Variants in BMAL2 observed in about 807,000 individuals in gnomAD.
BMAL2 encodes basic helix-loop-helix ARNT-like protein 2.
chr12:27,376,346 A>T, the BMAL2 span: 1 of 1,613,294 alleles, frequency 6.2e-7, no homozygotes, highest in Non-Finnish European at 8.5e-7. Context: ...TTTTTTGTAG[A>T]GTGGAAGATG....
At chr12:27,407,554 A>G in the BMAL2 span, among the ~76,000 whole-genome samples, 1 of 152,212 alleles carries the variant, frequency 6.6e-6, no homozygotes, top group Non-Finnish European at 1.5e-5. Context: ...ACGAGAACAA[A>G]GACACAACAT....
At chr12:27,368,243 T>C in the BMAL2 span, 1 of 1,613,206 alleles carries the variant, frequency 6.2e-7, no homozygotes, top group South Asian at 1.1e-5. Flanking sequence ...AATGTCTTGT[T>C]GTACTCTGCT....
At chr12:27,387,218 T>A in the BMAL2 span, 32 of 1,582,394 alleles carry the variant, frequency 2.0e-5, no homozygotes, top group African/African-American at 6.7e-5. Flanking sequence ...ACTTTTTTTT[T>A]AAATCCTAGA....
At chr12:27,400,363 A>G in the BMAL2 span, among the ~76,000 whole-genome samples, 1 of 152,226 alleles carries the variant, frequency 6.6e-6, no homozygotes, top group Non-Finnish European at 1.5e-5. Flanking sequence ...AAGTCATGAA[A>G]TAAACAAAAT....
the BMAL2 span, among the ~76,000 whole-genome samples, chr12:27,387,691 T>C: frequency 6.6e-6 from 1 of 152,252 alleles, no homozygotes; most frequent in African/African-American, 2.4e-5. Flanking sequence ...TGGTTAATTA[T>C]TAAGTTATAA....
the BMAL2 span, among the ~76,000 whole-genome samples, chr12:27,375,903 A>G: frequency 3.9e-5 from 6 of 152,218 alleles, no homozygotes; most frequent in Non-Finnish European, 7.3e-5. Context: ...TTTAGGCAAA[A>G]TAAATTCCTT....
the BMAL2 span, chr12:27,380,313 T>C: frequency 6.2e-7 from 1 of 1,614,198 alleles, no homozygotes; most frequent in South Asian, 1.1e-5. Context: ...AAGAACTGTC[T>C]GCAATGATCC....
the BMAL2 span, chr12:27,402,816 C>T: frequency 1.4e-6 from 1 of 725,280 alleles, no homozygotes; most frequent in Non-Finnish European, 2.1e-6. Context: ...ATAGGAATCC[C>T]AACTTTGGTT....
At chr12:27,400,511 C>T in the BMAL2 span, 1 of 1,522,892 alleles carries the variant, frequency 6.6e-7, no homozygotes. Context: ...TCCAAATGTC[C>T]TTTTTAAAAA....
the BMAL2 span, chr12:27,394,320 CT>C: frequency 6.6e-6 from 1 of 152,332 alleles, no homozygotes; most frequent in African/African-American, 2.4e-5. Context: ...CCTCCCAACT[CT>C]GGTGGCTTGA....
At chr12:27,352,573 GCAGTCAGAGC>G in the BMAL2 span, among the ~76,000 whole-genome samples, 146,287 of 152,252 alleles carry the variant, frequency 0.96, 70,285 homozygotes, top group East Asian at 1. Context: ...ATAGTCCTGG[GCAGTCAGAGC>G]AGTCCTAGCC....
the BMAL2 span, among the ~76,000 whole-genome samples, chr12:27,411,485 G>T: frequency 6.6e-6 from 1 of 152,140 alleles, no homozygotes; most frequent in Middle Eastern, 3.4e-3. Flanking sequence ...ACGCATAGTG[G>T]GGCACAGCGG....
the BMAL2 span, chr12:27,420,453 C>T: frequency 3.1e-6 from 5 of 1,613,706 alleles, no homozygotes; most frequent in Non-Finnish European, 4.2e-6. Context: ...ACAGCCATGG[C>T]TGCATTTATG....
chr12:27,422,246 G>A, the BMAL2 span: 1 of 152,094 alleles, frequency 6.6e-6, no homozygotes, highest in Non-Finnish European at 1.5e-5. Flanking sequence ...AGATAGGCTG[G>A]GAACTCATGG....
chr12:27,386,775 G>A, the BMAL2 span, among the ~76,000 whole-genome samples: 2 of 152,034 alleles, frequency 1.3e-5, no homozygotes, highest in Non-Finnish European at 2.9e-5. Flanking sequence ...GACTAGAGGC[G>A]TGCACCACCA....
At chr12:27,413,235 C>CT in the BMAL2 span, among the ~76,000 whole-genome samples, 1 of 152,208 alleles carries the variant, frequency 6.6e-6, no homozygotes, top group South Asian at 2.1e-4. Context: ...TCAAAATACT[C>CT]TAATACTGTA....
the BMAL2 span, among the ~76,000 whole-genome samples, chr12:27,362,407 TA>T: frequency 3.9e-5 from 6 of 152,178 alleles, no homozygotes; most frequent in Non-Finnish European, 8.8e-5. Context: ...CGATCACTGG[TA>T]AAATTATTCT....
chr12:27,377,000 C>CAAA, the BMAL2 span, among the ~76,000 whole-genome samples: 127 of 91,630 alleles, frequency 1.4e-3, no homozygotes, highest in African/African-American at 1.8e-3. Flanking sequence ...AACTCCGTCT[C>CAAA]AAAAAAAAAA....
At chr12:27,385,574 T>A in the BMAL2 span, 1 of 1,538,414 alleles carries the variant, frequency 6.5e-7, no homozygotes, top group Non-Finnish European at 9.0e-7. Context: ...ACTAAAGATA[T>A]ATTTGTCTAA....
Sources: gnomAD v4.1 joint callset for allele counts (sites outside exome capture counted in the v4.1 genomes callset) on GRCh38, gnomAD v4.1.1 for gene constraint, MANE v1.5 for transcripts, NCBI Gene and HGNC (gene_info 2026-07-23, HGNC 2026-07-21) for gene names.